Variants in ANKIB1 observed in about 807,000 individuals in gnomAD.
ANKIB1 encodes the protein ankyrin repeat and IBR domain-containing protein 1.
A neutral mutation model predicts 122.1 loss-of-function variants in ANKIB1; 43 were observed. The observed-to-expected ratio is 0.35, with a 90% CI of 0.28 to 0.45. ANKIB1 has a LOEUF of 0.45. ANKIB1 is among the 20% of genes least tolerant of loss of function. The pLI is 1.00. For missense variants in ANKIB1, 992 were observed against 1,329.5 expected (o/e 0.75, Z 3.95); for synonymous variants, 390 against 442.0 (o/e 0.88, Z 1.48).
chr7:92,379,592 A>G (rs1804465654), intron 11 of ANKIB1, among the ~76,000 whole-genome samples: 1 of 152,180 alleles, frequency 6.6e-6, no homozygotes. Context: ...GGAATCTAGT[A>G]TATGGTAAAT....
chr7:92,297,195 C>T (rs190304403), intron 2 of ANKIB1, among the ~76,000 whole-genome samples: 4 of 152,170 alleles, frequency 2.6e-5, no homozygotes, highest in East Asian at 3.8e-4. Context: ...AGTAAGGTCT[C>T]ACAACTTGTA....
At chr7:92,385,093 A>G (rs1273188609) in intron 11 of ANKIB1, among the ~76,000 whole-genome samples, 2 of 152,246 alleles carry the variant, frequency 1.3e-5, no homozygotes, top group Non-Finnish European at 2.9e-5. Flanking sequence ...ACACTTTTCA[A>G]AAGGAGACAT....
At chr7:92,252,950 A>G (rs979499314) in intron 1 of ANKIB1, among the ~76,000 whole-genome samples, 1 of 152,038 alleles carries the variant, frequency 6.6e-6, no homozygotes, top group African/African-American at 2.4e-5. Flanking sequence ...ATTTAAAAAC[A>G]AAGATTTGGG....
rs769027486 is a variant in ANKIB1 at position 92,295,032 on chromosome 7, C to A, written c.54C>A (p.Asn18Lys). The stretch of plus-strand genomic sequence containing the variant: ...AAGCACTCATCAATGGTGATGAAAA[C>A]CTGGCCTGCCAAATATATGAAAACA... ...FRKALINGDE[N>K]LACQIYENNP... Residue 18 changes from asparagine to lysine, a missense_variant, in exon 2 of 20, where the codon AAC becomes AAA. Physicochemically the swap from Asn to Lys is moderately conservative, Grantham distance 94. Around this residue, in one of 4 missense-constraint regions of ANKIB1, gnomAD observed 54 missense variants for 112.3 expected, o/e 0.48. Transcript: ENST00000265742. The A allele has an allele frequency of 6.2e-7, 1 of 1,606,172 alleles. No individual in the cohort carries two copies. Among genetic ancestry groups the A allele is most frequent in the Non-Finnish European group, 8.5e-7 (1 of 1,176,324 alleles).
chr7:92,360,275 A>G (rs992423355), intron 9 of ANKIB1, among the ~76,000 whole-genome samples: 5 of 152,138 alleles, frequency 3.3e-5, no homozygotes, highest in Non-Finnish European at 7.4e-5. Context: ...TTCTTTCTCT[A>G]TGAATTTGCC....
chr7:92,266,746 C>T (rs1175682636), intron 1 of ANKIB1, among the ~76,000 whole-genome samples: 3 of 152,120 alleles, frequency 2.0e-5, no homozygotes, highest in African/African-American at 7.2e-5. Context: ...CCCCAGGATC[C>T]CAAGAGAAGT....
At chr7:92,263,190 C>A (rs542628978) in intron 1 of ANKIB1, among the ~76,000 whole-genome samples, 1 of 152,128 alleles carries the variant, frequency 6.6e-6, no homozygotes, top group East Asian at 1.9e-4. Context: ...CACATGTATT[C>A]TTCAAGCTTT....
At chr7:92,291,692 G>A (rs918720480) in intron 1 of ANKIB1, among the ~76,000 whole-genome samples, 1 of 149,050 alleles carries the variant, frequency 6.7e-6, no homozygotes, top group Non-Finnish European at 1.5e-5. Flanking sequence ...TTCTCCTGCC[G>A]CAGCCGCCTG....
intron 3 of ANKIB1, among the ~76,000 whole-genome samples, chr7:92,316,662 C>G (rs192005872): frequency 6.6e-6 from 1 of 152,304 alleles, no homozygotes; most frequent in Non-Finnish European, 1.5e-5. Flanking sequence ...ACCAATCATT[C>G]TCACCCAGGT....
At chr7:92,363,218 C>T (rs1036139954) in intron 10 of ANKIB1, among the ~76,000 whole-genome samples, 6 of 152,038 alleles carry the variant, frequency 3.9e-5, no homozygotes, top group Non-Finnish European at 7.4e-5. Context: ...GGAGACCATC[C>T]TGGCCAACAT....
At chr7:92,287,989 T>A (rs1802168461) in intron 1 of ANKIB1, among the ~76,000 whole-genome samples, 1 of 147,094 alleles carries the variant, frequency 6.8e-6, no homozygotes, top group Non-Finnish European at 1.5e-5. Flanking sequence ...TGAGCTGAGA[T>A]TGCACCACTG....
At chr7:92,265,852 T>C (rs902042596) in intron 1 of ANKIB1, among the ~76,000 whole-genome samples, 1 of 152,212 alleles carries the variant, frequency 6.6e-6, no homozygotes, top group African/African-American at 2.4e-5. Flanking sequence ...GGTAACCAGT[T>C]ATATCTCTAG....
At chr7:92,316,394 C>T (rs746030262) in intron 3 of ANKIB1, among the ~76,000 whole-genome samples, 9 of 152,204 alleles carry the variant, frequency 5.9e-5, no homozygotes, top group Non-Finnish European at 1.0e-4. Flanking sequence ...CCGTAAAGGT[C>T]AGCAAGCTGA....
chr7:92,266,533 G>C (rs769075794), intron 1 of ANKIB1, among the ~76,000 whole-genome samples: 85 of 152,072 alleles, frequency 5.6e-4, no homozygotes, highest in Admixed American at 3.5e-3. Context: ...AGTTCTCTGG[G>C]GTACTGCACT....
At chr7:92,258,314 G>T (rs1324545671) in intron 1 of ANKIB1, among the ~76,000 whole-genome samples, 1 of 152,194 alleles carries the variant, frequency 6.6e-6, no homozygotes, top group Non-Finnish European at 1.5e-5. Flanking sequence ...CTTTTCTACT[G>T]ATAATCCTTG....
chr7:92,365,788 CTTTTTTTTTTTT>C (rs59131137), intron 10 of ANKIB1, among the ~76,000 whole-genome samples: 3 of 58,298 alleles, frequency 5.1e-5, no homozygotes, highest in East Asian at 1.2e-3. Context: ...ATTAAATAAT[CTTTTTTTTTTTT>C]TTTTTTTTTT....
In ANKIB1 at chr7:92,353,798, T is replaced by C. The variant is rs28380045; in HGVS notation, c.1397+1156T>C. On this transcript the variant is annotated intron_variant, in intron 9 of 19. Coordinates refer to ENST00000265742, the MANE Select transcript of ANKIB1 (RefSeq NM_019004.2). ...ATTTCATGTCACTTTATTTATGTAT[T>C]GTCTGTGCCTGCTTTTGGGCAATGA... 9.5e-3 allele frequency among the ~76,000 whole-genome samples: 1,448 copies of C among 152,326 alleles called. 20 individuals are homozygous for C. Among genetic ancestry groups the C allele is most frequent in the African/African-American group, 0.033 (1,390 of 41,566 alleles).
intron 5 of ANKIB1, among the ~76,000 whole-genome samples, chr7:92,330,578 C>T (rs1190109555): frequency 6.6e-6 from 1 of 152,086 alleles, no homozygotes; most frequent in African/African-American, 2.4e-5. Context: ...CGCAGTGGCT[C>T]ATGCCTGTAA....
At chr7:92,269,168 A>G (rs1410570787) in intron 1 of ANKIB1, among the ~76,000 whole-genome samples, 1 of 152,174 alleles carries the variant, frequency 6.6e-6, no homozygotes, top group East Asian at 1.9e-4. Context: ...TTGTAATAGC[A>G]TGTCTCACCC....
Sources: gnomAD v4.1 joint callset for allele counts (sites outside exome capture counted in the v4.1 genomes callset) on GRCh38, gnomAD v4.1.1 for gene constraint, gnomAD v4.1.1 regional missense constraint, MANE v1.5 for transcripts, NCBI Gene and HGNC (gene_info 2026-07-23, HGNC 2026-07-21) for gene names.